The following NBR1 variants were observed in gnomAD, a reference collection of about 807,000 sequenced individuals.
NBR1 encodes next to BRCA1 gene 1 protein.
In NBR1, 59 loss-of-function variants were observed where a neutral mutation model predicts 115.5. The ratio of observed to expected loss-of-function variants is 0.51; its 90% confidence interval spans 0.41 to 0.63. The LOEUF is 0.63. Among genes scored for constraint, NBR1 ranks in the 30% least tolerant of loss-of-function variants. The probability of loss-of-function intolerance (pLI) is 0.00; values close to 1 mark genes in which losing one functional copy is unlikely to be tolerated. For missense variants in NBR1, 1,043 were observed against 1,150.5 expected (o/e 0.91, Z 1.35); for synonymous variants, 373 against 414.7 (o/e 0.90, Z 1.22).
chr17:43,191,544 G>C lies in NBR1; in HGVS notation c.1036G>C (p.Gly346Arg), dbSNP rs760929593. 9 of 1,613,070 alleles carry C rather than the reference G, an allele frequency of 5.6e-6. No individual in the cohort carries two copies. In the African/African-American group the frequency reaches 9.3e-5, roughly 17 times the overall value. Residue 346 changes from glycine (G) to arginine (R), a missense_variant, in exon 10 of 21, where the codon GGC (glycine) becomes CGC (arginine). Coordinates refer to ENST00000590996, the MANE Select transcript of NBR1 (RefSeq NM_005899.5). The stretch of plus-strand genomic sequence containing the variant: ...ACTCCAGAGCCCCAAGTCTCCTTTA[G>C]GCCGACCTGAGAGCTTGCTCCAGTC... ...HGLQSPKSPL[G>R]RPESLLQSNT...
At chr17:43,189,431 T>G (rs190851542) in intron 7 of NBR1, among the ~76,000 whole-genome samples, 157 bp from the exon 8 acceptor site, 12 of 152,242 alleles carry the variant, frequency 7.9e-5, no homozygotes, top group Non-Finnish European at 1.5e-4. Context: ...GTGGAAGGAA[T>G]AGACCTTTTG....
chr17:43,180,989 A>G (rs2056649486), intron 5 of NBR1, among the ~76,000 whole-genome samples, 172 bp downstream of exon 5: 1 of 152,108 alleles, frequency 6.6e-6, no homozygotes, highest in Non-Finnish European at 1.5e-5. Context: ...CTCCCACCTC[A>G]GCCTCCCGAG....
chr17:43,209,127 A>C (rs897681810), intron 20 of NBR1, among the ~76,000 whole-genome samples: 4 of 150,046 alleles, frequency 2.7e-5, no homozygotes, highest in Non-Finnish European at 5.9e-5. Flanking sequence ...CCCAGGCTGG[A>C]GTGCAATGGC....
chr17:43,197,529 A>G (rs1451637433), intron 16 of NBR1, among the ~76,000 whole-genome samples: 1 of 151,934 alleles, frequency 6.6e-6, no homozygotes, highest in Non-Finnish European at 1.5e-5. Context: ...AAAAAAAAAA[A>G]AAGAAATTCT....
In NBR1 at chr17:43,189,760, A is replaced by G; in HGVS notation, c.653A>G (p.Asn218Ser). ...ENQFSWHIAC[N>S]NCQRRIVGVR... ...CAGTTCAGCTGGCATATTGCTTGCA[A>G]CAACTGCCAAAGAAGGATTGTTGGT... is the stretch of plus-strand genomic sequence containing the variant. Residue 218 changes from asparagine (N) to serine (S), a missense_variant, in exon 8 of 21, where the codon AAC becomes AGC. Physicochemically the swap from Asn to Ser is conservative, Grantham distance 46. Coordinates refer to ENST00000590996, the MANE Select transcript of NBR1 (RefSeq NM_005899.5). 6.2e-7 allele frequency: 1 copy of G among 1,613,936 alleles called. No homozygotes were observed. The highest frequency in any genetic ancestry group is 8.5e-7 in the Non-Finnish European group (1 of 1,179,864).
intron 19 of NBR1, 69 bp from the exon 20 acceptor site, chr17:43,203,612 C>A: frequency 1.1e-6 from 1 of 940,400 alleles, no homozygotes; most frequent in Non-Finnish European, 1.6e-6. Context: ...AGGATTAGAG[C>A]CCAGATTATC....
intron 6 of NBR1, among the ~76,000 whole-genome samples, chr17:43,187,984 G>A (rs1172402889): frequency 3.4e-5 from 5 of 145,650 alleles, no homozygotes; most frequent in African/African-American, 7.7e-5. Flanking sequence ...TCTGTCTCCC[G>A]GGTTCACGCC....
At chr17:43,182,211 C>CTTTTTTTTTTTT (rs752789312) in intron 5 of NBR1, among the ~76,000 whole-genome samples, 2 of 71,608 alleles carry the variant, frequency 2.8e-5, no homozygotes, top group Non-Finnish European at 5.1e-5. Flanking sequence ...CTGTTCTCTC[C>CTTTTTTTTTTTT]TTTTTTTTTT....
intron 18 of NBR1, 24 bp downstream of exon 18, chr17:43,201,804 C>T (rs2057205220): frequency 1.6e-6 from 2 of 1,268,556 alleles, no homozygotes; most frequent in African/African-American, 1.5e-5. Flanking sequence ...TAAGCTTTTT[C>T]TCTTTTTCTC....
chr17:43,186,037 A>C (rs879485209), intron 5 of NBR1, among the ~76,000 whole-genome samples: 1 of 150,150 alleles, frequency 6.7e-6, no homozygotes, highest in African/African-American at 2.4e-5. Flanking sequence ...TAAATAAATA[A>C]ATAAATAAAT....
At chr17:43,177,862 G>C (rs1259541396) in intron 2 of NBR1, 74 bp from the exon 3 acceptor site, 10 of 1,254,406 alleles carry the variant, frequency 8.0e-6, no homozygotes, top group Non-Finnish European at 1.0e-5. Flanking sequence ...TTTGTCTTTT[G>C]ATTTTGTGGG....
Position 43,193,528 on chromosome 17 carries a change from G to T in NBR1, c.1414G>T (p.Val472Phe), listed in dbSNP as rs570950167. The change falls in exon 12 of 21, where the codon GTC (valine) becomes TTC (phenylalanine). Residue 472 changes from valine (V) to phenylalanine (F), a missense_variant. Val to Phe is a conservative substitution (Grantham distance 50). Coordinates refer to ENST00000590996, the MANE Select transcript of NBR1 (RefSeq NM_005899.5). The part of the protein sequence containing the change: ...SHKGQQFGPR[V>F]WCSIIVDPFP... Reference sequence around the variant, plus strand: ...CAAAGGCCAGCAATTTGGGCCTCGGGTCTGGTGCAGTATCATAGTAGATCC... The same window carrying T: ...CAAAGGCCAGCAATTTGGGCCTCGGTTCTGGTGCAGTATCATAGTAGATCC... The T allele has an allele frequency of 1.9e-6, 3 of 1,613,456 alleles. No individual in the cohort carries two copies. The highest frequency in any genetic ancestry group is 1.3e-5 in the African/African-American group (1 of 74,900).
intron 5 of NBR1, among the ~76,000 whole-genome samples, chr17:43,184,602 G>GT: frequency 6.6e-6 from 1 of 151,486 alleles, no homozygotes; most frequent in South Asian, 2.1e-4. Flanking sequence ...CTGACCTCAG[G>GT]TGATCTGCTC....
intron 5 of NBR1, among the ~76,000 whole-genome samples, chr17:43,183,084 G>A (rs943206267): frequency 6.7e-6 from 1 of 150,232 alleles, no homozygotes; most frequent in African/African-American, 2.5e-5. Flanking sequence ...TTTGAGACAG[G>A]GTTTTACCAT....
rs775086596 is a variant in NBR1 at position 43,197,018 on chromosome 17, C to T, written c.1938C>T (p.Thr646=). The part of the protein sequence containing the change: ...VEEAEEDLSG[T]QFVCETVIRS... ...AAGCAGAAGAAGACCTGAGTGGGACCCAGTTTGTGTGTGAGACAGTAATCC... is the reference window on the plus strand; with the variant it reads ...AAGCAGAAGAAGACCTGAGTGGGACTCAGTTTGTGTGTGAGACAGTAATCC... Residue 646 remains threonine (T), a synonymous_variant, in exon 16 of 21, where the codon ACC becomes ACT. Transcript: ENST00000590996. The T allele has an allele frequency of 2.5e-6, 4 of 1,613,960 alleles. No homozygotes were observed. In the South Asian group the frequency reaches 4.4e-5, roughly 18 times the overall value.
intron 16 of NBR1, among the ~76,000 whole-genome samples, chr17:43,198,766 C>T (rs950377063): frequency 3.9e-4 from 59 of 152,180 alleles, no homozygotes; most frequent in Admixed American, 1.0e-3. Context: ...TGAAGACTAT[C>T]CTGGCTAACA....
At chr17:43,186,592 C>T (rs1396766563) in intron 6 of NBR1, 148 bp downstream of exon 6, 1 of 664,524 alleles carries the variant, frequency 1.5e-6, no homozygotes, top group Non-Finnish European at 2.3e-6. Flanking sequence ...TATAGGTATA[C>T]ATGAGCCATG....
chr17:43,192,489 C>T (rs964188950), intron 10 of NBR1, among the ~76,000 whole-genome samples: 40 of 152,106 alleles, frequency 2.6e-4, no homozygotes, highest in African/African-American at 9.4e-4. Flanking sequence ...CTGCCTCAGC[C>T]TCCCGAGTAA....
chr17:43,180,523 A>T (rs1261882558), intron 4 of NBR1, among the ~76,000 whole-genome samples: 1 of 152,198 alleles, frequency 6.6e-6, no homozygotes, highest in Non-Finnish European at 1.5e-5. Context: ...TCATCTCATT[A>T]TAGTGGCCCT....
Sources: allele counts gnomAD v4.1 joint callset (sites outside exome capture counted in the v4.1 genomes callset), GRCh38; gene constraint gnomAD v4.1.1; transcripts MANE v1.5; gene names NCBI Gene and HGNC (gene_info 2026-07-23, HGNC 2026-07-21).